The following MRRF variants were observed in gnomAD, a reference collection of about 807,000 sequenced individuals.
MRRF encodes the protein mitochondrial ribosome recycling factor, also known as ribosome-recycling factor, mitochondrial.
In MRRF, 18 loss-of-function variants were observed where a neutral mutation model predicts 25.1. The ratio of observed to expected loss-of-function variants is 0.72; its 90% CI spans 0.50 to 1.06. MRRF has a LOEUF of 1.06. Among genes scored for constraint, MRRF ranks in the 50% least tolerant of loss-of-function variants. MRRF has a pLI of 0.00. For synonymous variants in MRRF, 113 were observed against 112.1 expected (o/e 1.01, Z -0.05); for missense variants, 323 against 319.3 (o/e 1.01, Z -0.09).
intron 2 of MRRF, among the ~76,000 whole-genome samples, chr9:122,277,527 A>G (rs1832847791): frequency 6.6e-6 from 1 of 152,056 alleles, no homozygotes; most frequent in Non-Finnish European, 1.5e-5. Context: ...GTCACTGCAT[A>G]TTTGTGTTAT....
At chr9:122,271,873 G>A (rs531535040) in intron 2 of MRRF, among the ~76,000 whole-genome samples, 2 of 152,296 alleles carry the variant, frequency 1.3e-5, no homozygotes, top group Admixed American at 1.3e-4. Context: ...CCTCCCCCAA[G>A]AATGGCGCTA....
At chr9:122,318,382 C>G (rs1835669622) in intron 6 of MRRF, among the ~76,000 whole-genome samples, 2 of 152,230 alleles carry the variant, frequency 1.3e-5, no homozygotes, top group African/African-American at 2.4e-5. Flanking sequence ...TTGGCAGAAG[C>G]CACCAGTAAA....
At chr9:122,301,079 A>C (rs1469742877) in intron 5 of MRRF, among the ~76,000 whole-genome samples, 1 of 152,150 alleles carries the variant, frequency 6.6e-6, no homozygotes, top group African/African-American at 2.4e-5. Flanking sequence ...CTTTATGGCT[A>C]GACTAGGCTC....
chr9:122,293,762 G>A lies in MRRF; in HGVS notation c.551+1922G>A, dbSNP rs1833916585. Among the ~76,000 whole-genome samples the A allele has an allele frequency of 1.3e-5, 2 of 152,156 alleles. 1 individual carries two copies. Among genetic ancestry groups the A allele is most frequent in the South Asian group, 4.1e-4 (2 of 4,826 alleles). ...CTCTGTGCTGGGGATGTATAGACGT[G>A]ATGTATGCCTTCATGGAGCTCACAG... On this transcript the variant is annotated intron_variant, in intron 5 of 6. Transcript: ENST00000344641.
chr9:122,298,822 T>C (rs1834253780), intron 5 of MRRF, among the ~76,000 whole-genome samples: 1 of 152,100 alleles, frequency 6.6e-6, no homozygotes, highest in Non-Finnish European at 1.5e-5. Flanking sequence ...TATTTTTCTC[T>C]CTGTAGAGAA....
Position 122,308,021 on chromosome 9 carries a change from C to T in MRRF, c.552-5206C>T, listed in dbSNP as rs118054127. 5.4e-4 allele frequency among the ~76,000 whole-genome samples: 82 copies of T among 152,318 alleles called. 3 individuals carry two copies. The East Asian group carries it at 0.015, about 27-fold the overall frequency. ...GTGAGTTAGCAGTGGGGCATGCCCT[C>T]TGCTTATTGTTCATAGGAACATGCT... On this transcript the variant is annotated intron_variant, in intron 5 of 6. Coordinates refer to ENST00000344641, the MANE Select transcript of MRRF (RefSeq NM_138777.5).
rs574345535 is a variant in MRRF at position 122,320,923 on chromosome 9, G to C, written c.712-1617G>C. Among the ~76,000 whole-genome samples the C allele has an allele frequency of 3.9e-5, 6 of 152,328 alleles. No individual in the cohort carries two copies. In the South Asian group the frequency reaches 1.2e-3, roughly 32 times the overall value. ...CTGCTTTCAGTCTCTTTTCGACATAGGAAGGAGACTGTGGCAGCTACTAAA... is the reference window on the plus strand; with the variant it reads ...CTGCTTTCAGTCTCTTTTCGACATACGAAGGAGACTGTGGCAGCTACTAAA... On this transcript the variant is annotated intron_variant, in intron 6 of 6. Coordinates refer to ENST00000344641, the MANE Select transcript of MRRF (RefSeq NM_138777.5).
intron 5 of MRRF, among the ~76,000 whole-genome samples, chr9:122,293,263 C>CCA (rs1322896894): frequency 6.6e-6 from 1 of 152,300 alleles, no homozygotes; most frequent in Admixed American, 6.5e-5. Flanking sequence ...TCTTTTAGTG[C>CCA]CACACATTAT....
At position 122,325,426 on chromosome 9, in the gene MRRF, GT is replaced by G. The variant is rs1246936852; in HGVS notation, c.*2812del. On this transcript the variant is annotated 3_prime_UTR_variant, in exon 7 of 7. Coordinates refer to ENST00000344641, the MANE Select transcript of MRRF (RefSeq NM_138777.5). ...GACAGGGACAAGAATGAGACTACCT[GT>G]TTGGATGTGCTGAGAATGAGTAATG... 1 of 152,214 alleles carries G rather than the reference GT, an allele frequency of 6.6e-6. No homozygotes were observed. Among genetic ancestry groups the G allele is most frequent in the Non-Finnish European group, 1.5e-5 (1 of 68,052 alleles). 9.4% of individuals were successfully genotyped at this position (152,214 alleles called of 1,614,324 possible). A position where few individuals can be genotyped will look rare whatever the true frequency, so the allele number is the denominator to read the frequency against.
intron 5 of MRRF, among the ~76,000 whole-genome samples, chr9:122,306,728 C>T (rs113922558): frequency 1.3e-5 from 2 of 152,162 alleles, no homozygotes; most frequent in Admixed American, 6.5e-5. Flanking sequence ...CACCCCAAAA[C>T]TTGGGTTTCC....
Position 122,326,662 on chromosome 9 carries a change from A to G in MRRF, c.*4045A>G, listed in dbSNP as rs1836151606. The G allele has an allele frequency of 6.6e-6, 1 of 152,058 alleles. No individual in the cohort carries two copies. The highest frequency in any genetic ancestry group is 2.1e-4 in the South Asian group (1 of 4,830). The allele number at this position is 152,058 out of a possible 1,614,324, so 9.4% of individuals were successfully genotyped here. The stretch of plus-strand genomic sequence containing the variant: ...AAGATGATTTTTTTTTTTAAGAAAA[A>G]AGAAAGGCCCCTATTCTAAGATTAT... On this transcript the variant is annotated 3_prime_UTR_variant, in exon 7 of 7. Transcript: ENST00000344641.
At chr9:122,308,421 G>A (rs566305493) in intron 5 of MRRF, among the ~76,000 whole-genome samples, 110 of 148,290 alleles carry the variant, frequency 7.4e-4, no homozygotes, top group South Asian at 5.3e-3. Context: ...GGGTCAGGCC[G>A]GATGCGGTGG....
chr9:122,319,529 G>A (rs547685550), intron 6 of MRRF, among the ~76,000 whole-genome samples: 1 of 152,124 alleles, frequency 6.6e-6, no homozygotes, highest in African/African-American at 2.4e-5. Context: ...CTGCTTCATA[G>A]AGGCTATGTG....
rs1833042019 is a variant in MRRF at position 122,280,588 on chromosome 9, G to A, written c.330G>A (p.Arg110=). The change falls in exon 3 of 7, where the codon AGG becomes AGA. Residue 110 remains arginine (R), a synonymous_variant. Coordinates refer to ENST00000344641, the MANE Select transcript of MRRF (RefSeq NM_138777.5). ...ATTTCAATAAGACTCTCAATATAAG[G>A]ACCTCACCAGGTTAGTGACTGAACC... ...KDNFNKTLNI[R]TSPGSLDKIA... 1.9e-6 allele frequency: 3 copies of A among 1,613,754 alleles called. No individual in the cohort carries two copies. Among genetic ancestry groups the A allele is most frequent in the South Asian group, 2.2e-5 (2 of 91,068 alleles).
At position 122,328,659 on chromosome 9, in the gene MRRF, A is replaced by G. The variant is rs1238722962; in HGVS notation, c.*6042A>G. ...ATTTACATTTATTTATAATAGTGAT[A>G]TGTTTAGTAGAACCCATTTACTTTT... On this transcript the variant is annotated 3_prime_UTR_variant, in exon 7 of 7. Transcript: ENST00000344641. 1.3e-5 allele frequency: 2 copies of G among 152,190 alleles called. No individual in the cohort carries two copies. Among genetic ancestry groups the G allele is most frequent in the African/African-American group, 4.8e-5 (2 of 41,448 alleles). The allele number at this position is 152,190 out of a possible 1,614,324, so 9.4% of individuals were successfully genotyped here.
intron 5 of MRRF, among the ~76,000 whole-genome samples, chr9:122,303,921 GTGGATCT>G: frequency 6.6e-6 from 1 of 152,072 alleles, no homozygotes. Flanking sequence ...ATATTGCCTT[GTGGATCT>G]TGTTACAGAG....
At position 122,325,018 on chromosome 9, in the gene MRRF, A is replaced by G. The variant is rs764955729; in HGVS notation, c.*2401A>G. ...CAACAGTCTTTCATGAGTGGCCGAA[A>G]TCCCCCACTCACTGCAAATGTGCTT... On this transcript the variant is annotated 3_prime_UTR_variant, in exon 7 of 7. Transcript: ENST00000344641. 1.3e-5 allele frequency: 2 copies of G among 152,188 alleles called. No homozygotes were observed. Among genetic ancestry groups the G allele is most frequent in the Non-Finnish European group, 2.9e-5 (2 of 68,030 alleles). 9.4% of individuals were successfully genotyped at this position (152,188 alleles called of 1,614,324 possible).
At chr9:122,273,036 A>G (rs1041748296) in intron 2 of MRRF, among the ~76,000 whole-genome samples, 1 of 152,216 alleles carries the variant, frequency 6.6e-6, no homozygotes, top group Admixed American at 6.5e-5. Flanking sequence ...ACTTAGTGTC[A>G]TAAAGTCCAA....
chr9:122,306,968 C>T (rs1485151588), intron 5 of MRRF, among the ~76,000 whole-genome samples: 1 of 152,140 alleles, frequency 6.6e-6, no homozygotes, highest in Non-Finnish European at 1.5e-5. Flanking sequence ...TATTAGAAGT[C>T]CTTCCAAAAT....
Sources: gnomAD v4.1 joint callset for allele counts (sites outside exome capture counted in the v4.1 genomes callset) on GRCh38, gnomAD v4.1.1 for gene constraint, MANE v1.5 for transcripts, NCBI Gene and HGNC (gene_info 2026-07-23, HGNC 2026-07-21) for gene names.